The following XPOT variants were observed in gnomAD, a reference collection of about 807,000 sequenced individuals.
XPOT encodes the protein exportin for tRNA, also known as exportin-T.
In XPOT, 34 loss-of-function variants were observed where a neutral mutation model predicts 128.2. That is an observed-to-expected ratio of 0.27 (90% CI 0.20 to 0.35). XPOT has a LOEUF of 0.35. Ranked by LOEUF, XPOT falls within the 10% of genes least tolerant of loss-of-function variation. The pLI is 1.00. For synonymous variants in XPOT, 348 were observed against 394.3 expected (o/e 0.88, Z 1.39); for missense variants, 838 against 1,125.3 (o/e 0.74, Z 3.65).
At chr12:64,446,107 A>G (rs985086610) in intron 24 of XPOT, among the ~76,000 whole-genome samples, 1 of 152,174 alleles carries the variant, frequency 6.6e-6, no homozygotes, top group Non-Finnish European at 1.5e-5. Context: ...CCATCCTCCC[A>G]TAAAAAAGCA....
At chr12:64,405,286 C>T (rs1411650593) in intron 1 of XPOT, 2 of 152,240 alleles carry the variant, frequency 1.3e-5, no homozygotes, top group African/African-American at 2.4e-5. Context: ...ACCTTCCTCA[C>T]CATCCTGCAG....
At chr12:64,441,831 G>A (rs1207859924) in intron 23 of XPOT, among the ~76,000 whole-genome samples, 3 of 152,018 alleles carry the variant, frequency 2.0e-5, no homozygotes, top group Non-Finnish European at 2.9e-5. Flanking sequence ...TGGGATTACA[G>A]GCAGGCACCA....
intron 5 of XPOT, among the ~76,000 whole-genome samples, 172 bp from the exon 6 acceptor site, chr12:64,418,704 T>C (rs924407327): frequency 6.6e-5 from 10 of 152,150 alleles, no homozygotes; most frequent in African/African-American, 2.2e-4. Flanking sequence ...TTAAATACTT[T>C]TGATAATTTT....
rs1022126219 is a variant in XPOT at position 64,448,199 on chromosome 12, G to C, written c.*68G>C. 1 of 1,476,198 alleles carries C rather than the reference G, an allele frequency of 6.8e-7. No homozygotes were observed. Among genetic ancestry groups the C allele is most frequent in the Non-Finnish European group, 9.5e-7 (1 of 1,055,366 alleles). The allele number at this position is 1,476,198 out of a possible 1,614,324, so 91.4% of individuals were successfully genotyped here. A position where few individuals can be genotyped will look rare whatever the true frequency, so the allele number is the denominator to read the frequency against. On this transcript the variant is annotated 3_prime_UTR_variant, in exon 25 of 25. Transcript: ENST00000332707. ...GTTAATTTATAAAGAGGCGATTTTT[G>C]TGTGCCATTCACACTGGTCTTTTTC...
intron 9 of XPOT, among the ~76,000 whole-genome samples, chr12:64,422,076 C>G (rs2040143859): frequency 6.6e-6 from 1 of 152,204 alleles, no homozygotes; most frequent in African/African-American, 2.4e-5. Context: ...TCCCAAAGTG[C>G]TGGGATTACA....
At chr12:64,412,779 C>T (rs534448084) in intron 2 of XPOT, among the ~76,000 whole-genome samples, 1 of 152,324 alleles carries the variant, frequency 6.6e-6, no homozygotes, top group South Asian at 2.1e-4. Flanking sequence ...CCACTTAAGA[C>T]ACTAATTGAG....
intron 11 of XPOT, among the ~76,000 whole-genome samples, 182 bp downstream of exon 11, chr12:64,423,426 A>G (rs1418814222): frequency 1.3e-5 from 2 of 151,932 alleles, no homozygotes; most frequent in East Asian, 1.9e-4. Context: ...TTCCTTTTTG[A>G]TATTTTATCC....
intron 3 of XPOT, 62 bp downstream of exon 3, chr12:64,415,051 A>T: frequency 1.0e-6 from 1 of 998,156 alleles, no homozygotes; most frequent in Non-Finnish European, 1.5e-6. Flanking sequence ...GGACTGTGAA[A>T]TTTACCTGTA....
At chr12:64,442,176 A>G (rs576222140) in intron 23 of XPOT, among the ~76,000 whole-genome samples, 6 of 152,060 alleles carry the variant, frequency 3.9e-5, no homozygotes, top group Non-Finnish European at 5.9e-5. Flanking sequence ...GCTGGAGTGC[A>G]ATGGCACAAT....
intron 4 of XPOT, among the ~76,000 whole-genome samples, chr12:64,417,516 C>T (rs1263376716): frequency 4.2e-5 from 6 of 143,958 alleles, no homozygotes; most frequent in Admixed American, 3.5e-4. Context: ...GGCAATACAG[C>T]AAGACCTTGT....
chr12:64,432,120 G>T (rs1052414794), intron 18 of XPOT, among the ~76,000 whole-genome samples: 1 of 152,110 alleles, frequency 6.6e-6, no homozygotes, highest in Admixed American at 6.6e-5. Context: ...TACTAAATAA[G>T]CACCATAATT....
Position 64,420,333 on chromosome 12 carries a change from T to C in XPOT, c.675-20T>C. 4.4e-6 allele frequency: 7 copies of C among 1,604,166 alleles called. No individual in the cohort carries two copies. Among genetic ancestry groups the C allele is most frequent in the Non-Finnish European group, 6.0e-6 (7 of 1,176,396 alleles). On this transcript the variant is annotated intron_variant, in intron 7 of 24. Transcript: ENST00000332707. The stretch of plus-strand genomic sequence containing the variant: ...ACTCATGACTTTGAAAATGTTACAA[T>C]TTTATTGTCCCATTACCAGGTTTAT...
intron 11 of XPOT, 96 bp downstream of exon 11, chr12:64,423,340 A>T (rs1283849611): frequency 4.8e-6 from 4 of 837,086 alleles, no homozygotes; most frequent in Admixed American, 3.4e-5. Context: ...GCCCTTTAAA[A>T]CATGAAGTTC....
At position 64,404,802 on chromosome 12, in the gene XPOT, A is replaced by C. The variant is rs1477638692; in HGVS notation, c.-77A>C. The C allele has an allele frequency of 5.9e-5, 9 of 152,236 alleles. No individual in the cohort carries two copies. Among genetic ancestry groups the C allele is most frequent in the Admixed American group, 5.9e-4 (9 of 15,270 alleles). 9.4% of individuals were successfully genotyped at this position (152,236 alleles called of 1,614,324 possible). A position where few individuals can be genotyped will look rare whatever the true frequency, so the allele number is the denominator to read the frequency against. Reference sequence around the variant, plus strand: ...TGGGAGGCGGGATGGAGTGATAGGGAAGGTGACTCGGGGCTCGGGGGCAGC... The same window carrying C: ...TGGGAGGCGGGATGGAGTGATAGGGCAGGTGACTCGGGGCTCGGGGGCAGC... On this transcript the variant is annotated splice_region_variant and 5_prime_UTR_variant, in exon 1 of 25. Transcript: ENST00000332707.
At chr12:64,409,578 A>G (rs1295823792) in intron 1 of XPOT, 2 of 154,724 alleles carry the variant, frequency 1.3e-5, no homozygotes, top group Non-Finnish European at 2.9e-5. Flanking sequence ...TACTAAAAAT[A>G]CAAAAAATTA....
intron 3 of XPOT, 115 bp from the exon 4 acceptor site, chr12:64,416,583 G>A (rs1649746842): frequency 1.3e-6 from 1 of 764,406 alleles, no homozygotes; most frequent in South Asian, 1.7e-5. Flanking sequence ...TATGAAACAA[G>A]CCAAAGGTCT....
chr12:64,443,734 C>T (rs575230962), intron 23 of XPOT, among the ~76,000 whole-genome samples: 37 of 152,230 alleles, frequency 2.4e-4, no homozygotes, highest in Non-Finnish European at 2.9e-5. Context: ...GGATTACAGG[C>T]ATGAGCCACT....
Position 64,449,455 on chromosome 12 carries a change from T to C in XPOT, c.*1324T>C, listed in dbSNP as rs2040392838. 6.6e-6 allele frequency: 1 copy of C among 152,220 alleles called. No homozygotes were observed. Among genetic ancestry groups the C allele is most frequent in the South Asian group, 2.1e-4 (1 of 4,832 alleles). 9.4% of individuals were successfully genotyped at this position (152,220 alleles called of 1,614,324 possible). On this transcript the variant is annotated 3_prime_UTR_variant, in exon 25 of 25. Transcript: ENST00000332707. ...GGAGGGACAAAACTGAGCAGCAGAATTCGTATAGACATTTACGTTTAAATT... is the reference window on the plus strand; with the variant it reads ...GGAGGGACAAAACTGAGCAGCAGAACTCGTATAGACATTTACGTTTAAATT...
rs759878450 is a variant in XPOT, at chr12:64,435,621, T to C, written c.2686-6T>C. On this transcript the variant is annotated splice_region_variant and splice_polypyrimidine_tract_variant and intron_variant, in intron 21 of 24. Transcript: ENST00000332707. ...ATATAGAAATTCTTAAACTTGTTTT[T>C]CACAGGCTTTATCTGAGTGTGCAGT... 7 of 1,591,714 alleles carry C rather than the reference T, an allele frequency of 4.4e-6. No homozygotes were observed. In the African/African-American group the frequency reaches 6.7e-5, roughly 15 times the overall value.
Sources: gnomAD v4.1 joint callset for allele counts (sites outside exome capture counted in the v4.1 genomes callset) on GRCh38, gnomAD v4.1.1 for gene constraint, MANE v1.5 for transcripts, NCBI Gene and HGNC (gene_info 2026-07-23, HGNC 2026-07-21) for gene names.